CNIH3: variants seen among roughly 807,000 people sequenced by gnomAD.
The protein encoded by CNIH3 is cornichon family AMPA receptor auxiliary protein 3, also known as protein cornichon homolog 3.
Under a neutral mutation model 24.1 loss-of-function variants are expected in CNIH3, and 14 were observed. The ratio of observed to expected loss-of-function variants is 0.58; its 90% CI spans 0.38 to 0.91. The LOEUF (loss-of-function observed/expected upper bound fraction) is 0.91, where lower values mean the gene tolerates loss of function less well. Ranked by LOEUF, CNIH3 falls within the 40% of genes least tolerant of loss-of-function variation. The probability of loss-of-function intolerance (pLI) is 0.00; values close to 1 mark genes in which losing one functional copy is unlikely to be tolerated. For synonymous variants in CNIH3, 68 were observed against 73.8 expected, an observed-to-expected ratio of 0.92 and a Z score of 0.40; for missense variants, 178 against 196.8, an observed-to-expected ratio of 0.90 and a Z score of 0.57.
chr1:224,556,823 G>T (rs1680159699), intron 3 of CNIH3, among the ~76,000 whole-genome samples: 1 of 152,150 alleles, frequency 6.6e-6, no homozygotes, highest in Non-Finnish European at 1.5e-5. Flanking sequence ...TGGCCTGCGG[G>T]TTGGGGATCC....
chr1:224,634,963 A>G (rs1030302475), intron 1 of CNIH3, among the ~76,000 whole-genome samples: 1 of 152,230 alleles, frequency 6.6e-6, no homozygotes, highest in African/African-American at 2.4e-5. Context: ...AATGGGAGGC[A>G]GCATCCGTTG....
At chr1:224,574,761 A>G (rs1680964391) in intron 4 of CNIH3, 2 of 1,134,024 alleles carry the variant, frequency 1.8e-6, no homozygotes, top group Non-Finnish European at 2.7e-6. Context: ...CCTCTACCTT[A>G]TTCGCTGGCC....
chr1:224,706,110 T>A (rs1553294922), intron 3 of CNIH3, among the ~76,000 whole-genome samples: 1 of 152,108 alleles, frequency 6.6e-6, no homozygotes, highest in Admixed American at 6.5e-5. Context: ...GCCCGCACAT[T>A]GTAGGTGTCC....
chr1:224,712,028 C>A (rs1688181904), intron 3 of CNIH3, among the ~76,000 whole-genome samples: 1 of 152,160 alleles, frequency 6.6e-6, no homozygotes, highest in African/African-American at 2.4e-5. Context: ...TTTCCCCAGG[C>A]TATTGCCCTG....
At chr1:224,439,783 G>A (rs1426260901) in intron 1 of CNIH3, among the ~76,000 whole-genome samples, 1 of 137,824 alleles carries the variant, frequency 7.3e-6, no homozygotes, top group Non-Finnish European at 1.6e-5. Context: ...AGGTAATTTT[G>A]GTTTTTGTTT....
intron 4 of CNIH3, chr1:224,574,861 C>G (rs867915224): frequency 3.1e-6 from 3 of 968,744 alleles, no homozygotes; most frequent in Middle Eastern, 3.1e-4. Flanking sequence ...ATTCTGGACA[C>G]ATGGGCGGGC....
Position 224,458,422 on chromosome 1 carries a change from C to T in CNIH3, n.203+23560C>T, listed in dbSNP as rs1175371551. 2.0e-5 allele frequency among the ~76,000 whole-genome samples: 3 copies of T among 152,156 alleles called. No homozygotes were observed. The highest frequency in any genetic ancestry group is 1.9e-4 in the East Asian group (1 of 5,204). On this transcript the variant is annotated intron_variant and non_coding_transcript_variant, in intron 1 of 5. Coordinates refer to the CNIH3 transcript ENST00000471578. This position sits in a 1 kb window ranked among gnomAD's most constrained non-coding sequence, Gnocchi z 4.3. ...TACCAGGTGTGAGGCTGCCAGGAGC[C>T]GATCGCACAAGGCTTGGCAAGGCAG...
chr1:224,640,722 GT>G (rs1173128923), intron 1 of CNIH3, among the ~76,000 whole-genome samples: 1 of 152,180 alleles, frequency 6.6e-6, no homozygotes, highest in Non-Finnish European at 1.5e-5. Flanking sequence ...CTGGTGGGGT[GT>G]CATGGCAGAG....
chr1:224,667,572 A>ATATAAGAGTG (rs1685654387), intron 1 of CNIH3, among the ~76,000 whole-genome samples: 1 of 152,188 alleles, frequency 6.6e-6, no homozygotes, highest in Non-Finnish European at 1.5e-5. Flanking sequence ...AGTTGCTCCA[A>ATATAAGAGTG]CTCATCTCTG....
chr1:224,620,542 A>G (rs932566909), intron 1 of CNIH3, among the ~76,000 whole-genome samples: 1 of 152,240 alleles, frequency 6.6e-6, no homozygotes, highest in Non-Finnish European at 1.5e-5. Context: ...AAGACATGCT[A>G]TATATCCTTT....
chr1:224,568,942 G>A (rs748869649), intron 4 of CNIH3, among the ~76,000 whole-genome samples: 10 of 151,886 alleles, frequency 6.6e-5, no homozygotes, highest in Non-Finnish European at 1.3e-4. Flanking sequence ...GAGCGATCTC[G>A]GCTCACTGCA....
At chr1:224,641,120 G>A (rs999730725) in intron 1 of CNIH3, among the ~76,000 whole-genome samples, 1 of 152,152 alleles carries the variant, frequency 6.6e-6, no homozygotes, top group Non-Finnish European at 1.5e-5. Context: ...GGAGTCTTCG[G>A]CATGGTAGCA....
intron 3 of CNIH3, among the ~76,000 whole-genome samples, chr1:224,555,886 A>G (rs959327240): frequency 2.0e-5 from 3 of 151,982 alleles, no homozygotes; most frequent in Admixed American, 6.6e-5. Flanking sequence ...GTCATCCTCC[A>G]TGGTTCCTTG....
At chr1:224,657,435 A>G (rs9660752) in intron 1 of CNIH3, among the ~76,000 whole-genome samples, 2 of 149,942 alleles carry the variant, frequency 1.3e-5, no homozygotes, top group South Asian at 4.2e-4. Flanking sequence ...GAGAGAGAGA[A>G]ATATGCCTCA....
intron 1 of CNIH3, among the ~76,000 whole-genome samples, chr1:224,640,590 G>A (rs781028959): frequency 6.6e-6 from 1 of 152,170 alleles, no homozygotes; most frequent in Non-Finnish European, 1.5e-5. Flanking sequence ...CAGCATCACC[G>A]CTTTCTCTTC....
intron 1 of CNIH3, among the ~76,000 whole-genome samples, chr1:224,471,101 G>A (rs1676349881): frequency 6.6e-6 from 1 of 152,164 alleles, no homozygotes; most frequent in African/African-American, 2.4e-5. Flanking sequence ...AGGCTGGAGT[G>A]CAGTGGCACA....
At chr1:224,576,433 A>AT (rs894906954) in intron 4 of CNIH3, among the ~76,000 whole-genome samples, 6 of 152,108 alleles carry the variant, frequency 3.9e-5, no homozygotes, top group African/African-American at 1.4e-4. Flanking sequence ...AATACTTATA[A>AT]TTTTTTGGAA....
chr1:224,690,027 T>C (rs1186772419), intron 3 of CNIH3, among the ~76,000 whole-genome samples: 1 of 152,116 alleles, frequency 6.6e-6, no homozygotes, highest in African/African-American at 2.4e-5. Flanking sequence ...GGGAGGAGGC[T>C]GACTCCTGTT....
intron 3 of CNIH3, among the ~76,000 whole-genome samples, chr1:224,596,982 G>A (rs6693977): frequency 0.023 from 3,512 of 151,972 alleles, 147 homozygotes; most frequent in African/African-American, 0.08. Context: ...GTGAAACCCC[G>A]TCTCTACTAA....
Sources: gnomAD v4.1 joint callset for allele counts (sites outside exome capture counted in the v4.1 genomes callset) on GRCh38, gnomAD v4.1.1 for gene constraint, Gnocchi (gnomAD v3.1) non-coding constraint, MANE v1.5 for transcripts, NCBI Gene and HGNC (gene_info 2026-07-23, HGNC 2026-07-21) for gene names.